ROBO2: variants seen among roughly 807,000 people sequenced by gnomAD.
ROBO2 encodes roundabout guidance receptor 2, also known as roundabout homolog 2.
ROBO2 carries 53 observed loss-of-function variants against 160.8 expected under a neutral mutation model. That is an observed-to-expected ratio of 0.33 (90% CI 0.26 to 0.41). ROBO2 has a LOEUF of 0.41. ROBO2 is among the 10% of genes least tolerant of loss of function. The pLI is 1.00. For synonymous variants in ROBO2, 664 were observed against 611.7 expected (o/e 1.09, Z -1.26); for missense variants, 1,577 against 1,722.4 (o/e 0.92, Z 1.49).
At chr3:76,984,055 C>G (rs915712461) in intron 2 of ROBO2, among the ~76,000 whole-genome samples, 5 of 152,138 alleles carry the variant, frequency 3.3e-5, no homozygotes, top group African/African-American at 1.2e-4. Context: ...GCTTATAAAA[C>G]CATCAGATAT....
At chr3:77,533,756 A>T (rs1289912205) in intron 6 of ROBO2, among the ~76,000 whole-genome samples, 1 of 152,170 alleles carries the variant, frequency 6.6e-6, no homozygotes, top group Non-Finnish European at 1.5e-5. Flanking sequence ...ACCCATTCTG[A>T]GGTCAACTGA....
intron 2 of ROBO2, among the ~76,000 whole-genome samples, chr3:76,737,516 A>G (rs2093733488): frequency 6.6e-6 from 1 of 152,208 alleles, no homozygotes; most frequent in African/African-American, 2.4e-5. Flanking sequence ...AGGCCTATTT[A>G]AGCTTTTATA....
chr3:75,986,535 TAAAA>T (rs1190993280), intron 2 of ROBO2, among the ~76,000 whole-genome samples: 1 of 151,658 alleles, frequency 6.6e-6, no homozygotes, highest in Non-Finnish European at 1.5e-5. Context: ...GGCAGTTTTT[TAAAA>T]AAAGTTTATC....
At chr3:76,975,348 T>A (rs372024522) in intron 2 of ROBO2, among the ~76,000 whole-genome samples, 21 of 152,128 alleles carry the variant, frequency 1.4e-4, no homozygotes, top group African/African-American at 5.1e-4. Context: ...CTGCTAAAAA[T>A]GTAAAAATTA....
At chr3:76,283,166 A>ATATATATATATATATATATATATAAAAC (rs1559717425) in intron 2 of ROBO2, among the ~76,000 whole-genome samples, 1 of 144,036 alleles carries the variant, frequency 6.9e-6, no homozygotes, top group East Asian at 2.1e-4. Context: ...CTACATATAT[A>ATATATATATATATATATATATATAAAAC]TAGTGACCCC....
chr3:77,635,702 C>T (rs533112769), intron 24 of ROBO2, among the ~76,000 whole-genome samples: 8 of 152,156 alleles, frequency 5.3e-5, no homozygotes, highest in Non-Finnish European at 2.9e-5. Context: ...TACAGAAACA[C>T]GCTGCACAGA....
chr3:76,685,216 A>G (rs1371391112), intron 2 of ROBO2, among the ~76,000 whole-genome samples: 1 of 145,604 alleles, frequency 6.9e-6, no homozygotes, highest in Non-Finnish European at 1.5e-5. Context: ...TTTTTCCAGT[A>G]ATTTCAGCTT....
At chr3:77,057,006 T>C (rs977607050) in intron 1 of ROBO2, among the ~76,000 whole-genome samples, 1 of 152,158 alleles carries the variant, frequency 6.6e-6, no homozygotes, top group Non-Finnish European at 1.5e-5. Context: ...TAAAGACACA[T>C]GCACACGTAT....
At chr3:77,621,324 A>G (rs76793294) in intron 22 of ROBO2, among the ~76,000 whole-genome samples, 1,578 of 152,090 alleles carry the variant, frequency 0.01, 32 homozygotes, top group African/African-American at 0.036. Flanking sequence ...TACTTGGGAG[A>G]CCAAGGCAGG....
chr3:76,712,310 T>G (rs1162382186), intron 2 of ROBO2, among the ~76,000 whole-genome samples: 1 of 151,998 alleles, frequency 6.6e-6, no homozygotes, highest in Non-Finnish European at 1.5e-5. Flanking sequence ...TGAAGAAAAT[T>G]CATTTTATCT....
intron 2 of ROBO2, among the ~76,000 whole-genome samples, chr3:77,262,664 A>G (rs2153338512): frequency 6.6e-6 from 1 of 152,298 alleles, no homozygotes; most frequent in African/African-American, 2.4e-5. Flanking sequence ...ATATATGCCA[A>G]AAAAAGCTTC....
chr3:76,899,114 CT>C (rs2075036895), intron 2 of ROBO2, among the ~76,000 whole-genome samples: 1 of 152,008 alleles, frequency 6.6e-6, no homozygotes, highest in African/African-American at 2.4e-5. Flanking sequence ...GGAAAATCGC[CT>C]TTTTATAGCC....
At chr3:76,489,841 T>G (rs533218388) in intron 2 of ROBO2, among the ~76,000 whole-genome samples, 1 of 152,154 alleles carries the variant, frequency 6.6e-6, no homozygotes, top group African/African-American at 2.4e-5. Flanking sequence ...AATGAGGTAT[T>G]TTTGCACTTA....
rs892093889 is a variant in ROBO2 at position 76,457,538 on chromosome 3, G to A, written c.109+519936G>A. ...GTGTCTGCAGCTTTTCCAGGTGCAC[G>A]GTGCAAGCTGTCGGTGGATCTGCCA... On this transcript the variant is annotated intron_variant, in intron 2 of 26. Transcript: ENST00000487694. Among the ~76,000 whole-genome samples, 6 of 152,184 alleles carry A rather than the reference G, an allele frequency of 3.9e-5. No individual in the cohort carries two copies. The East Asian group carries it at 7.8e-4, about 20-fold the overall frequency.
intron 2 of ROBO2, among the ~76,000 whole-genome samples, chr3:77,359,529 C>G (rs1392203109): frequency 6.6e-6 from 1 of 152,064 alleles, no homozygotes; most frequent in African/African-American, 2.4e-5. Context: ...AGTGAGCCTT[C>G]AAAAATGAAG....
intron 2 of ROBO2, among the ~76,000 whole-genome samples, chr3:76,090,942 A>G (rs1340395010): frequency 6.6e-6 from 1 of 152,216 alleles, no homozygotes; most frequent in Non-Finnish European, 1.5e-5. Context: ...CAACTCTTCC[A>G]CAGATTAATT....
chr3:77,496,850 T>C (rs1426983789), intron 5 of ROBO2, among the ~76,000 whole-genome samples: 1 of 152,086 alleles, frequency 6.6e-6, no homozygotes, highest in Non-Finnish European at 1.5e-5. Context: ...TAAGGGAGTA[T>C]TTTTTCCCCT....
rs528153072 is a variant in ROBO2, at chr3:76,916,772, A to C, written c.110-181242A>C. Among the ~76,000 whole-genome samples the C allele has an allele frequency of 2.2e-4, 33 of 152,302 alleles. No homozygotes were observed. The South Asian group carries it at 6.8e-3, about 32-fold the overall frequency. The stretch of plus-strand genomic sequence containing the variant: ...CTAAGGTTATTCAAAAAGAAAAGAA[A>C]AAGAACAAATCCAAAGAAATTACTT... On this transcript the variant is annotated intron_variant, in intron 2 of 26. Coordinates refer to the ROBO2 transcript ENST00000487694.
At chr3:75,970,942 T>C (rs2064974242) in intron 2 of ROBO2, among the ~76,000 whole-genome samples, 1 of 151,350 alleles carries the variant, frequency 6.6e-6, no homozygotes, top group South Asian at 2.1e-4. Flanking sequence ...TTCATGCTAA[T>C]TAAGTATCTT....
Sources: gnomAD v4.1 joint callset for allele counts (sites outside exome capture counted in the v4.1 genomes callset) on GRCh38, gnomAD v4.1.1 for gene constraint, MANE v1.5 for transcripts, NCBI Gene and HGNC (gene_info 2026-07-23, HGNC 2026-07-21) for gene names.